The following CARNMT1 variants were observed in gnomAD, a reference collection of about 807,000 sequenced individuals.
CARNMT1 encodes protein-L-histidine N-pros-methyltransferase CARNMT1.
A neutral mutation model predicts 49.6 loss-of-function variants in CARNMT1; 28 were observed. The observed-to-expected ratio is 0.56, with a 90% CI of 0.42 to 0.77. The LOEUF (loss-of-function observed/expected upper bound fraction) is 0.77. Ranked by LOEUF, CARNMT1 falls within the 30% of genes least tolerant of loss-of-function variation. The pLI is 0.00. For missense variants in CARNMT1, 421 were observed against 512.6 expected (o/e 0.82, Z 1.73); for synonymous variants, 178 against 175.0 (o/e 1.02, Z -0.13).
intron 3 of CARNMT1, among the ~76,000 whole-genome samples, chr9:75,006,225 T>C (rs995034851): frequency 6.6e-6 from 1 of 152,086 alleles, no homozygotes; most frequent in African/African-American, 2.4e-5. Context: ...CAAATTTTTG[T>C]ATTTTTAGTA....
intron 1 of CARNMT1, among the ~76,000 whole-genome samples, chr9:75,024,028 T>C (rs1315243341): frequency 2.0e-5 from 3 of 152,204 alleles, no homozygotes; most frequent in African/African-American, 7.2e-5. Context: ...TCTCTACCTC[T>C]AACTCTCTCT....
At chr9:75,018,968 T>TAAAA (rs35324700) in intron 1 of CARNMT1, among the ~76,000 whole-genome samples, 2 of 74,578 alleles carry the variant, frequency 2.7e-5, no homozygotes, top group East Asian at 3.3e-4. Context: ...CTCCATCTCA[T>TAAAA]AAAAAAAAAA....
At chr9:74,995,371 C>A (rs966677394) in intron 6 of CARNMT1, among the ~76,000 whole-genome samples, 1 of 152,130 alleles carries the variant, frequency 6.6e-6, no homozygotes, top group African/African-American at 2.4e-5. Flanking sequence ...TTATAAGGGA[C>A]CAACACAGTA....
intron 1 of CARNMT1, among the ~76,000 whole-genome samples, chr9:75,019,614 T>C (rs1444488170): frequency 1.3e-5 from 2 of 152,166 alleles, no homozygotes; most frequent in African/African-American, 4.8e-5. Context: ...ACAAGCCCCT[T>C]AACTCAAGCA....
chr9:75,006,802 T>C (rs562845863), intron 3 of CARNMT1, among the ~76,000 whole-genome samples: 34 of 152,326 alleles, frequency 2.2e-4, no homozygotes, highest in African/African-American at 8.2e-4. Context: ...AGTTAACTCA[T>C]CCTTTCCTCA....
intron 5 of CARNMT1, among the ~76,000 whole-genome samples, chr9:74,997,689 T>C (rs1204453289): frequency 6.6e-6 from 1 of 152,126 alleles, no homozygotes; most frequent in Non-Finnish European, 1.5e-5. Flanking sequence ...TTTTTTTTTT[T>C]AGTTTCTACT....
At chr9:75,005,264 C>T (rs935132998) in intron 3 of CARNMT1, among the ~76,000 whole-genome samples, 32 of 152,062 alleles carry the variant, frequency 2.1e-4, no homozygotes, top group Admixed American at 4.6e-4. Context: ...CCAGAGGATA[C>T]GAAAACAGCA....
At chr9:75,017,686 CAT>C (rs1357808173) in intron 1 of CARNMT1, among the ~76,000 whole-genome samples, 2 of 152,124 alleles carry the variant, frequency 1.3e-5, no homozygotes, top group African/African-American at 4.8e-5. Context: ...TAAAAGTAAA[CAT>C]ATGCACCAAT....
At chr9:75,023,280 A>C (rs546166753) in intron 1 of CARNMT1, among the ~76,000 whole-genome samples, 54 of 152,150 alleles carry the variant, frequency 3.5e-4, no homozygotes, top group Non-Finnish European at 6.0e-4. Flanking sequence ...TCTAATCAGA[A>C]GAATTATTCT....
chr9:75,027,408 G>A (rs905524863), intron 1 of CARNMT1: 2 of 984,964 alleles, frequency 2.0e-6, no homozygotes, highest in Non-Finnish European at 1.2e-6. Flanking sequence ...TAGAATATCC[G>A]GACCACTTCC....
intron 2 of CARNMT1, chr9:75,016,827 T>C (rs1833871487): frequency 7.9e-6 from 2 of 253,430 alleles, no homozygotes; most frequent in African/African-American, 2.2e-5. Context: ...AAAAGAGGAC[T>C]TCAGTTTCTA....
chr9:74,999,682 A>G (rs762885238), intron 4 of CARNMT1, 48 bp downstream of exon 4: 89 of 1,541,704 alleles, frequency 5.8e-5, no homozygotes, highest in Admixed American at 4.4e-4. Context: ...AGGTAAGTCA[A>G]TCTGATTCTG....
At chr9:75,015,561 G>A (rs1415183454) in intron 3 of CARNMT1, among the ~76,000 whole-genome samples, 3 of 151,916 alleles carry the variant, frequency 2.0e-5, no homozygotes, top group South Asian at 2.1e-4. Context: ...AGACACAGGC[G>A]GATCACTTGA....
chr9:75,026,749 C>A (rs1822540150), intron 1 of CARNMT1, among the ~76,000 whole-genome samples: 1 of 152,168 alleles, frequency 6.6e-6, no homozygotes, highest in African/African-American at 2.4e-5. Flanking sequence ...TAACTTTAAG[C>A]TTTCACTAAG....
At chr9:75,018,361 G>A (rs1214386584) in intron 1 of CARNMT1, among the ~76,000 whole-genome samples, 1 of 152,024 alleles carries the variant, frequency 6.6e-6, no homozygotes, top group Non-Finnish European at 1.5e-5. Context: ...ACCATGCCTG[G>A]CCATAAGAAC....
intron 3 of CARNMT1, among the ~76,000 whole-genome samples, chr9:75,003,627 G>C (rs901490081): frequency 1.3e-5 from 2 of 152,180 alleles, no homozygotes; most frequent in Non-Finnish European, 2.9e-5. Context: ...TTAACTCACT[G>C]CATGACTGTA....
At chr9:75,019,545 T>C (rs1311416332) in intron 1 of CARNMT1, among the ~76,000 whole-genome samples, 1 of 152,170 alleles carries the variant, frequency 6.6e-6, no homozygotes, top group African/African-American at 2.4e-5. Flanking sequence ...TAGTATCTCT[T>C]CCCTCTGAGG....
At chr9:75,005,789 T>C (rs1176709957) in intron 3 of CARNMT1, among the ~76,000 whole-genome samples, 2 of 150,100 alleles carry the variant, frequency 1.3e-5, no homozygotes, top group African/African-American at 4.9e-5. Flanking sequence ...TGATCTTCTA[T>C]AGGCAGTTCA....
intron 1 of CARNMT1, among the ~76,000 whole-genome samples, chr9:75,022,213 CTTTTTT>C (rs35783706): frequency 7.8e-5 from 6 of 76,972 alleles, no homozygotes; most frequent in East Asian, 3.6e-4. Context: ...AGAAGGAATA[CTTTTTT>C]TTTTTTTTTT....
Sources: allele counts gnomAD v4.1 joint callset (sites outside exome capture counted in the v4.1 genomes callset), GRCh38; gene constraint gnomAD v4.1.1; transcripts MANE v1.5; gene names NCBI Gene and HGNC (gene_info 2026-07-23, HGNC 2026-07-21).